SPAG16: variants seen among roughly 807,000 people sequenced by gnomAD.
SPAG16 encodes the protein sperm-associated antigen 16 protein.
SPAG16 carries 86 observed loss-of-function variants against 80.4 expected under a neutral mutation model. That is an observed-to-expected ratio of 1.07 (90% CI 0.90 to 1.28). SPAG16 has a LOEUF of 1.28. SPAG16 is among the 50% of genes most tolerant of loss of function. The pLI is 0.00. For synonymous variants in SPAG16, 294 were observed against 265.9 expected (o/e 1.11, Z -1.03); for missense variants, 870 against 765.3 (o/e 1.14, Z -1.61).
At position 213,856,599 on chromosome 2, in the gene SPAG16, A is replaced by T. The variant is rs181538888; in HGVS notation, c.1071-5886A>T. ...TCTATACATCTTCGGAAACCTTGGC[A>T]GAGGTTCCCAAACCTCAATTCTTGA... On this transcript the variant is annotated intron_variant, in intron 10 of 15. Coordinates refer to ENST00000331683, the MANE Select transcript of SPAG16 (RefSeq NM_024532.5). 9.8e-5 allele frequency among the ~76,000 whole-genome samples: 15 copies of T among 152,288 alleles called. No homozygotes were observed. The East Asian group carries it at 2.5e-3, about 26-fold the overall frequency.
At chr2:214,199,766 A>C (rs956543788) in intron 15 of SPAG16, among the ~76,000 whole-genome samples, 1 of 152,080 alleles carries the variant, frequency 6.6e-6, no homozygotes, top group South Asian at 2.1e-4. Context: ...TGTATCATCT[A>C]TGATTTCTTT....
chr2:214,345,659 C>A (rs1206758829), intron 15 of SPAG16, among the ~76,000 whole-genome samples: 2 of 152,092 alleles, frequency 1.3e-5, no homozygotes, highest in Admixed American at 6.6e-5. Context: ...AGAACATTAT[C>A]AGCACCTCAA....
At chr2:213,477,214 GC>G (rs1298603772) in intron 9 of SPAG16, among the ~76,000 whole-genome samples, 1 of 152,082 alleles carries the variant, frequency 6.6e-6, no homozygotes, top group East Asian at 1.9e-4. Flanking sequence ...CAGGCTTTAG[GC>G]TATCCTTGGC....
At chr2:213,709,076 G>A (rs1380055350) in intron 10 of SPAG16, among the ~76,000 whole-genome samples, 2 of 152,012 alleles carry the variant, frequency 1.3e-5, no homozygotes, top group African/African-American at 4.8e-5. Context: ...CAGACACTTT[G>A]GTAAAAGGTC....
intron 10 of SPAG16, among the ~76,000 whole-genome samples, chr2:213,518,411 A>G (rs987490878): frequency 6.6e-6 from 1 of 152,118 alleles, no homozygotes; most frequent in Non-Finnish European, 1.5e-5. Flanking sequence ...CTGGGACTAC[A>G]TGCTGAGGCA....
intron 5 of SPAG16, among the ~76,000 whole-genome samples, chr2:213,324,477 A>T (rs2063760535): frequency 1.3e-5 from 2 of 152,190 alleles, no homozygotes; most frequent in African/African-American, 4.8e-5. Flanking sequence ...ACTTTAGATT[A>T]GTTTTGTTTG....
intron 12 of SPAG16, among the ~76,000 whole-genome samples, chr2:213,952,984 C>T (rs2043931902): frequency 6.6e-6 from 1 of 151,926 alleles, no homozygotes; most frequent in Admixed American, 6.6e-5. Flanking sequence ...GACAGGTAAA[C>T]ACATAATTGT....
At chr2:213,566,417 C>A (rs937225924) in intron 10 of SPAG16, among the ~76,000 whole-genome samples, 3 of 151,912 alleles carry the variant, frequency 2.0e-5, no homozygotes, top group African/African-American at 7.3e-5. Flanking sequence ...TTTCTCTCAC[C>A]CCCTTCAATT....
intron 10 of SPAG16, among the ~76,000 whole-genome samples, chr2:213,754,869 C>A (rs1302351764): frequency 2.0e-5 from 3 of 152,162 alleles, no homozygotes; most frequent in Non-Finnish European, 4.4e-5. Flanking sequence ...CCGAAGGCAA[C>A]TTATTATAAG....
chr2:213,801,025 AAAC>A, intron 10 of SPAG16, among the ~76,000 whole-genome samples: 1 of 152,344 alleles, frequency 6.6e-6, no homozygotes, highest in East Asian at 1.9e-4. Flanking sequence ...AATAGCATAA[AAAC>A]AATAATGCCA....
At chr2:213,510,667 C>G (rs899464553) in intron 10 of SPAG16, among the ~76,000 whole-genome samples, 2 of 152,090 alleles carry the variant, frequency 1.3e-5, no homozygotes, top group African/African-American at 4.8e-5. Flanking sequence ...ACTGTGCAAC[C>G]TTTGTATTGA....
chr2:214,319,199 AC>A (rs745524768), intron 15 of SPAG16, among the ~76,000 whole-genome samples: 1 of 9,522 alleles, frequency 1.1e-4, no homozygotes, highest in Non-Finnish European at 1.8e-4. Flanking sequence ...ACACACACAC[AC>A]CACACACACA....
chr2:213,433,149 G>T (rs774111121), intron 9 of SPAG16, among the ~76,000 whole-genome samples: 2 of 152,080 alleles, frequency 1.3e-5, no homozygotes, highest in Non-Finnish European at 2.9e-5. Flanking sequence ...GACCAACATC[G>T]TACTGATCTG....
chr2:213,870,447 C>A (rs1371640520), intron 11 of SPAG16, among the ~76,000 whole-genome samples: 1 of 152,166 alleles, frequency 6.6e-6, no homozygotes, highest in African/African-American at 2.4e-5. Flanking sequence ...AATTTCAAGG[C>A]ACTGCCCAAG....
intron 10 of SPAG16, among the ~76,000 whole-genome samples, chr2:213,581,965 C>T (rs1400416520): frequency 6.6e-6 from 1 of 152,090 alleles, no homozygotes; most frequent in East Asian, 1.9e-4. Context: ...CTTTCCTTCT[C>T]CCTGTACATC....
At chr2:213,620,402 C>T (rs575015895) in intron 10 of SPAG16, among the ~76,000 whole-genome samples, 2 of 145,996 alleles carry the variant, frequency 1.4e-5, no homozygotes, top group South Asian at 4.5e-4. Context: ...ACGCCATTCT[C>T]CTGCCTCAGA....
At chr2:213,916,640 A>G (rs2077984892) in intron 11 of SPAG16, among the ~76,000 whole-genome samples, 1 of 152,200 alleles carries the variant, frequency 6.6e-6, no homozygotes, top group Non-Finnish European at 1.5e-5. Flanking sequence ...ACCTGCAACC[A>G]TGATTTAATT....
intron 13 of SPAG16, among the ~76,000 whole-genome samples, chr2:214,089,106 G>T (rs1026708334): frequency 6.6e-6 from 1 of 152,034 alleles, no homozygotes; most frequent in African/African-American, 2.4e-5. Flanking sequence ...CACTTCGACT[G>T]TAGAGTCCTT....
chr2:213,878,853 T>G (rs983851883), intron 11 of SPAG16, among the ~76,000 whole-genome samples: 4 of 152,116 alleles, frequency 2.6e-5, no homozygotes, highest in African/African-American at 9.7e-5. Context: ...TCCAGCTTTA[T>G]TCTTCTGCAT....
Sources: gnomAD v4.1 joint callset for allele counts (sites outside exome capture counted in the v4.1 genomes callset) on GRCh38, gnomAD v4.1.1 for gene constraint, MANE v1.5 for transcripts, NCBI Gene and HGNC (gene_info 2026-07-23, HGNC 2026-07-21) for gene names.